PPFIA4: variants seen among roughly 807,000 people sequenced by gnomAD.
PPFIA4 encodes the protein PPFI scaffold protein A4.
Under a neutral mutation model 145.7 loss-of-function variants are expected in PPFIA4, and 98 were observed. The observed-to-expected ratio is 0.67, with a 90% CI of 0.57 to 0.80. The LOEUF is 0.80. Among genes scored for constraint, PPFIA4 ranks in the 30% least tolerant of loss-of-function variants. The pLI, the probability that PPFIA4 is intolerant of heterozygous loss-of-function variation, is 0.00. For synonymous variants in PPFIA4, 628 were observed against 649.6 expected (o/e 0.97, Z 0.51); for missense variants, 1,457 against 1,632.7 (o/e 0.89, Z 1.85).
Position 203,039,349 on chromosome 1 carries a change from G to T in PPFIA4, c.234+107G>T. On this transcript the variant is annotated intron_variant, in intron 2 of 29. Transcript: ENST00000295706. ...GCATCTATTTGCATATCAATAATTGGAATTCACTGAGCATTTACTCTCCTT... is the reference window on the plus strand; with the variant it reads ...GCATCTATTTGCATATCAATAATTGTAATTCACTGAGCATTTACTCTCCTT... 10 of 801,682 alleles carry T rather than the reference G, an allele frequency of 1.2e-5. No individual in the cohort carries two copies. In the South Asian group the frequency reaches 1.9e-4, roughly 15 times the overall value. 49.7% of individuals were successfully genotyped at this position (801,682 alleles called of 1,614,324 possible).
Position 203,056,412 on chromosome 1 carries a change from C to T in PPFIA4, c.2144C>T (p.Ala715Val). The change falls in exon 18 of 30, where the codon GCC becomes GTC. Residue 715 changes from alanine to valine, a missense_variant. Physicochemically the swap from Ala to Val is moderately conservative, Grantham distance 64 (BLOSUM62 0). Coordinates refer to ENST00000295706, the MANE Select transcript of PPFIA4 (RefSeq NM_001304331.2). Reference protein sequence around the residue: ...VSREENREDKATIKCETSPPS... With the variant: ...VSREENREDKVTIKCETSPPS... Reference sequence around the variant, plus strand: ...CGGGAAGAGAACCGAGAGGATAAAGCCACCATAAAATGTGAGACTTCTCCT... The same window carrying T: ...CGGGAAGAGAACCGAGAGGATAAAGTCACCATAAAATGTGAGACTTCTCCT... The T allele has an allele frequency of 6.2e-7, 1 of 1,613,988 alleles. No homozygotes were observed. The highest frequency in any genetic ancestry group is 8.5e-7 in the Non-Finnish European group (1 of 1,179,888).
At chr1:203,056,019 T>C in intron 16 of PPFIA4, 101 bp from the exon 17 acceptor site, 2 of 1,225,228 alleles carry the variant, frequency 1.6e-6, no homozygotes, top group Non-Finnish European at 2.3e-6. Flanking sequence ...TGTGAGGCAC[T>C]GAATCCTATC....
At position 203,075,588 on chromosome 1, in the gene PPFIA4, G is replaced by A. The variant is rs1662467192; in HGVS notation, c.3405G>A (p.Lys1135=). ...TDRKLDDGDD[K]VFRRAPSWRK... ...CCCCCATGGTGCAGGGGGATGACAAGGTGTTTCGCCGCGCGCCCTCCTGGA... is the reference window on the plus strand; with the variant it reads ...CCCCCATGGTGCAGGGGGATGACAAAGTGTTTCGCCGCGCGCCCTCCTGGA... Residue 1135 remains lysine, a synonymous_variant, in exon 29 of 30, where the codon AAG becomes AAA. Coordinates refer to ENST00000295706, the MANE Select transcript of PPFIA4 (RefSeq NM_001304331.2). The surrounding 1 kb of genome is among the most constrained non-coding windows in gnomAD (Gnocchi z 4.1). The A allele has an allele frequency of 2.1e-6, 3 of 1,459,678 alleles. No individual in the cohort carries two copies. The highest frequency in any genetic ancestry group is 1.5e-5 in the African/African-American group (1 of 67,698). 90.4% of individuals were successfully genotyped at this position (1,459,678 alleles called of 1,614,324 possible). A position where few individuals can be genotyped will look rare whatever the true frequency, so the allele number is the denominator to read the frequency against.
chr1:203,058,869 G>A (rs767653627), intron 19 of PPFIA4, among the ~76,000 whole-genome samples: 9 of 152,112 alleles, frequency 5.9e-5, no homozygotes, highest in Non-Finnish European at 8.8e-5. Context: ...TTGCACCTTG[G>A]CTTGGAGGAA....
intron 26 of PPFIA4, 135 bp downstream of exon 26, chr1:203,067,927 G>C: frequency 1.4e-6 from 1 of 726,214 alleles, no homozygotes; most frequent in Non-Finnish European, 2.3e-6. Context: ...CCTCACCTTA[G>C]GGAGCTCCCA....
At chr1:203,059,652 C>T in intron 20 of PPFIA4, 118 bp from the exon 21 acceptor site, 1 of 801,664 alleles carries the variant, frequency 1.2e-6, no homozygotes, top group South Asian at 1.5e-5. Flanking sequence ...AGAGGAAGTC[C>T]AGGGTGGGGA....
chr1:203,076,119 C>A (rs1662523282), intron 29 of PPFIA4: 1 of 607,170 alleles, frequency 1.6e-6, no homozygotes, highest in Non-Finnish European at 2.9e-6. Flanking sequence ...TTGCTGCTGG[C>A]CCTCGGCCCC....
intron 24 of PPFIA4, chr1:203,063,445 C>T (rs1237149667): frequency 5.2e-6 from 1 of 192,392 alleles, no homozygotes; most frequent in Non-Finnish European, 1.1e-5. Flanking sequence ...AACACAGCCT[C>T]TCCCCTGGGC....
At chr1:203,053,494 C>T (rs1660683423) in intron 14 of PPFIA4, among the ~76,000 whole-genome samples, 1 of 152,056 alleles carries the variant, frequency 6.6e-6, no homozygotes, top group South Asian at 2.1e-4. Context: ...GATCACGCCA[C>T]TGCCCTCCAG....
chr1:203,074,703 G>A (rs969642638), intron 28 of PPFIA4, among the ~76,000 whole-genome samples: 1 of 152,064 alleles, frequency 6.6e-6, no homozygotes, highest in Non-Finnish European at 1.5e-5. Flanking sequence ...ATGGGGTGGA[G>A]GGAGATTGGG....
intron 9 of PPFIA4, among the ~76,000 whole-genome samples, chr1:203,047,118 A>AG (rs1660142469): frequency 1.3e-5 from 2 of 152,170 alleles, no homozygotes; most frequent in South Asian, 4.1e-4. Flanking sequence ...GTGTTTAGGA[A>AG]GCACCAGGCA....
intron 14 of PPFIA4, among the ~76,000 whole-genome samples, chr1:203,052,181 G>A (rs34961420): frequency 0.057 from 8,655 of 152,028 alleles, 267 homozygotes; most frequent in Non-Finnish European, 0.074. Context: ...GTGGTCGGGC[G>A]TGGGGGGTGG....
chr1:203,067,693 A>G lies in PPFIA4; in HGVS notation c.3051-2A>G. 1 of 1,613,818 alleles carries G rather than the reference A, an allele frequency of 6.2e-7. No individual in the cohort carries two copies. Among genetic ancestry groups the G allele is most frequent in the Non-Finnish European group, 8.5e-7 (1 of 1,179,796 alleles). On this transcript the variant is annotated splice_acceptor_variant, in intron 25 of 29. Coordinates refer to ENST00000295706, the MANE Select transcript of PPFIA4 (RefSeq NM_001304331.2). LOFTEE classifies it high-confidence loss of function. The stretch of plus-strand genomic sequence containing the variant: ...TCTGGCTTGGGGGCTGTGTGCCTGC[A>G]GAACCAGTCTTCAGTATGGCATCAT...
At chr1:203,037,227 C>A in intron 1 of PPFIA4, 1 of 341,900 alleles carries the variant, frequency 2.9e-6, no homozygotes. Context: ...GCCCTTCTCT[C>A]TTTTCCCTGC....
At chr1:203,070,976 C>T (rs558775222) in intron 27 of PPFIA4, among the ~76,000 whole-genome samples, 62 of 149,454 alleles carry the variant, frequency 4.1e-4, no homozygotes, top group South Asian at 8.4e-4. Context: ...TTCTTAGAGA[C>T]AGGGTCTTGT....
At chr1:203,067,351 T>C in intron 25 of PPFIA4, 1 of 262,278 alleles carries the variant, frequency 3.8e-6, no homozygotes, top group Non-Finnish European at 7.4e-6. Flanking sequence ...GGTATCTTGT[T>C]TTTGCTTTTC....
chr1:203,076,004 C>G, intron 29 of PPFIA4: 1 of 546,326 alleles, frequency 1.8e-6, no homozygotes, highest in Non-Finnish European at 3.1e-6. Context: ...GAGACCTCCA[C>G]GGTTCGGACC....
intron 15 of PPFIA4, chr1:203,054,268 C>T: frequency 1.6e-6 from 1 of 611,138 alleles, no homozygotes; most frequent in Non-Finnish European, 2.9e-6. Context: ...CTCCTGCTTA[C>T]TGAGGCTAGC....
At chr1:203,071,591 G>T in intron 27 of PPFIA4, 101 bp from the exon 28 acceptor site, 1 of 908,682 alleles carries the variant, frequency 1.1e-6, no homozygotes, top group Non-Finnish European at 1.8e-6. Context: ...CTGGAGCCTT[G>T]CATCTCTGAC....
Sources: gnomAD v4.1 joint callset for allele counts (sites outside exome capture counted in the v4.1 genomes callset) on GRCh38, gnomAD v4.1.1 for gene constraint, Gnocchi (gnomAD v3.1) non-coding constraint, MANE v1.5 for transcripts, NCBI Gene and HGNC (gene_info 2026-07-23, HGNC 2026-07-21) for gene names.